The following PHACTR4 variants were observed in gnomAD, a reference collection of about 807,000 sequenced individuals.
The protein encoded by PHACTR4 is protein phosphatase 1, regulatory subunit 124.
In PHACTR4, 51 loss-of-function variants were observed where a neutral mutation model predicts 72.7. The ratio of observed to expected loss-of-function variants is 0.70; its 90% confidence interval spans 0.56 to 0.89. The LOEUF is 0.89. PHACTR4 is among the 40% of genes least tolerant of loss of function. The probability of loss-of-function intolerance (pLI) is 0.00; values close to 1 mark genes in which losing one functional copy is unlikely to be tolerated. For synonymous variants in PHACTR4, 255 were observed against 302.5 expected, an observed-to-expected ratio of 0.84 and a Z score of 1.63; for missense variants, 731 against 861.8, an observed-to-expected ratio of 0.85 and a Z score of 1.90.
At chr1:28,379,378 T>G (rs1189875002) in intron 1 of PHACTR4, among the ~76,000 whole-genome samples, 1 of 150,708 alleles carries the variant, frequency 6.6e-6, no homozygotes, top group Admixed American at 6.6e-5. Context: ...AGGTGGGTGA[T>G]CCTTCCACCT....
At position 28,496,954 on chromosome 1, in the gene PHACTR4, C is replaced by G. The variant is rs1661396203; in HGVS notation, c.*405C>G. 1 of 207,866 alleles carries G rather than the reference C, an allele frequency of 4.8e-6. No individual in the cohort carries two copies. The highest frequency in any genetic ancestry group is 9.7e-6 in the Non-Finnish European group (1 of 103,266). 12.9% of individuals were successfully genotyped at this position (207,866 alleles called of 1,614,324 possible). A position where few individuals can be genotyped will look rare whatever the true frequency, so the allele number is the denominator to read the frequency against. ...ATTGTGAGACCCAAATGTGTAGGCT[C>G]TAAATTCCAGCCATCAAATCCAATT... On this transcript the variant is annotated 3_prime_UTR_variant, in exon 14 of 14. Coordinates refer to ENST00000373839, the MANE Select transcript of PHACTR4 (RefSeq NM_001048183.3).
At chr1:28,394,264 A>AAAAG (rs1204119322) in intron 1 of PHACTR4, among the ~76,000 whole-genome samples, 65 of 151,596 alleles carry the variant, frequency 4.3e-4, no homozygotes, top group Admixed American at 4.1e-3. Context: ...AAAAAAAAAA[A>AAAAG]AAAGAAAGAG....
intron 1 of PHACTR4, among the ~76,000 whole-genome samples, chr1:28,392,406 C>CT (rs201902576): frequency 2.3e-3 from 322 of 141,872 alleles, no homozygotes; most frequent in Middle Eastern, 3.6e-3. Context: ...ATTCCTTTTT[C>CT]TTTTTTTTTT....
chr1:28,477,644 A>G (rs539159512), intron 8 of PHACTR4, among the ~76,000 whole-genome samples: 1 of 152,220 alleles, frequency 6.6e-6, no homozygotes, highest in East Asian at 1.9e-4. Context: ...GAAATATACA[A>G]TGAATTATTG....
rs1661557509 is a variant in PHACTR4 at position 28,499,655 on chromosome 1, T to C, written c.*3106T>C. The C allele has an allele frequency of 6.6e-6, 1 of 152,190 alleles. No homozygotes were observed. The highest frequency in any genetic ancestry group is 2.4e-5 in the African/African-American group (1 of 41,418). 9.4% of individuals were successfully genotyped at this position (152,190 alleles called of 1,614,324 possible). A position where few individuals can be genotyped will look rare whatever the true frequency, so the allele number is the denominator to read the frequency against. On this transcript the variant is annotated 3_prime_UTR_variant, in exon 14 of 14. Coordinates refer to ENST00000373839, the MANE Select transcript of PHACTR4 (RefSeq NM_001048183.3). ...CCAGGCCCAGCTAATTTTTGTGTTT[T>C]GTTAGAGATGAGGTTTTGCCATATT...
chr1:28,432,946 A>G (rs1043408739), intron 2 of PHACTR4: 2 of 238,488 alleles, frequency 8.4e-6, no homozygotes, highest in Non-Finnish European at 1.3e-5. Flanking sequence ...GGGTTTTACC[A>G]TGTTACCCAG....
intron 2 of PHACTR4, among the ~76,000 whole-genome samples, chr1:28,408,656 G>GTA (rs1405736728): frequency 1.1e-4 from 17 of 149,830 alleles, no homozygotes; most frequent in Admixed American, 4.0e-4. Context: ...GTGTGTGTGT[G>GTA]TATATATATA....
rs766388063 is a variant in PHACTR4, at chr1:28,480,443, G to T, written c.1607-8G>T. 2 of 1,613,212 alleles carry T rather than the reference G, an allele frequency of 1.2e-6. No homozygotes were observed. The highest frequency in any genetic ancestry group is 1.7e-5 in the Admixed American group (1 of 59,852). On this transcript the variant is annotated splice_region_variant and splice_polypyrimidine_tract_variant and intron_variant, in intron 8 of 13. Transcript: ENST00000373839. The stretch of plus-strand genomic sequence containing the variant: ...AGTTCTACATTTTTTTCTTCCCCGT[G>T]TGCAAAGGTGCTCTCGCCAACAAAG...
At chr1:28,404,191 C>T (rs1417356138) in intron 1 of PHACTR4, among the ~76,000 whole-genome samples, 12 of 151,614 alleles carry the variant, frequency 7.9e-5, no homozygotes, top group Non-Finnish European at 5.9e-5. Flanking sequence ...CTCAAGTGAT[C>T]TGCCTGCCTT....
At chr1:28,399,082 C>T (rs536723308) in intron 1 of PHACTR4, among the ~76,000 whole-genome samples, 7 of 152,040 alleles carry the variant, frequency 4.6e-5, no homozygotes, top group Non-Finnish European at 8.8e-5. Context: ...GAGGCCGAGG[C>T]GGGTGGATCA....
chr1:28,426,650 C>T (rs1266726118), intron 2 of PHACTR4, among the ~76,000 whole-genome samples: 2 of 150,250 alleles, frequency 1.3e-5, no homozygotes, highest in Non-Finnish European at 3.0e-5. Context: ...GGCGACAGAG[C>T]GAGACTCCGT....
At chr1:28,422,339 C>T (rs913363646) in intron 2 of PHACTR4, among the ~76,000 whole-genome samples, 1 of 152,096 alleles carries the variant, frequency 6.6e-6, no homozygotes, top group Admixed American at 6.6e-5. Context: ...AGTATAAAAA[C>T]TTTACATCAC....
intron 11 of PHACTR4, among the ~76,000 whole-genome samples, chr1:28,491,220 AAAG>A (rs1553206820): frequency 4.6e-5 from 7 of 150,756 alleles, no homozygotes; most frequent in East Asian, 1.9e-4. Context: ...AAAAAAAAAA[AAAG>A]AAGAAGAAAG....
intron 1 of PHACTR4, among the ~76,000 whole-genome samples, chr1:28,394,078 A>G (rs911017258): frequency 5.3e-5 from 8 of 152,106 alleles, no homozygotes; most frequent in Non-Finnish European, 1.5e-5. Flanking sequence ...ATTCTAGAAG[A>G]AGGCACTGTT....
At chr1:28,471,925 C>T (rs1258906473) in intron 6 of PHACTR4, among the ~76,000 whole-genome samples, 3 of 151,884 alleles carry the variant, frequency 2.0e-5, no homozygotes, top group Non-Finnish European at 4.4e-5. Flanking sequence ...AAATTAGAGA[C>T]AGTAGGCCGG....
rs185219284 is a variant in PHACTR4, at chr1:28,486,525, G to C, written c.1761-2645G>C. On this transcript the variant is annotated intron_variant, in intron 9 of 13. Transcript: ENST00000373839. The stretch of plus-strand genomic sequence containing the variant: ...GTGTCAGTTATATCGTATTAAAGCT[G>C]GTTTGTTTTTTGTTTTTTGTTTTTT... 3.2e-3 allele frequency among the ~76,000 whole-genome samples: 484 copies of C among 151,924 alleles called. 2 individuals carry two copies. Among genetic ancestry groups the C allele is most frequent in the African/African-American group, 0.011 (442 of 41,414 alleles).
rs1322677272 is a variant in PHACTR4 at position 28,498,112 on chromosome 1, A to G, written c.*1563A>G. On this transcript the variant is annotated 3_prime_UTR_variant, in exon 14 of 14. Transcript: ENST00000373839. The stretch of plus-strand genomic sequence containing the variant: ...TGATATTCTCTAAATCACTTCGACC[A>G]ATAAATGTATTCTCCTCCTTAAAGC... 6.6e-6 allele frequency: 1 copy of G among 152,172 alleles called. No homozygotes were observed. The highest frequency in any genetic ancestry group is 2.4e-5 in the African/African-American group (1 of 41,442). The allele number at this position is 152,172 out of a possible 1,614,324, so 9.4% of individuals were successfully genotyped here. A position where few individuals can be genotyped will look rare whatever the true frequency, so the allele number is the denominator to read the frequency against.
chr1:28,453,777 G>A (rs1658155579), intron 2 of PHACTR4: 8 of 958,034 alleles, frequency 8.4e-6, no homozygotes, highest in Non-Finnish European at 1.3e-5. Context: ...GGTTTCAGCA[G>A]TTATCCACAT....
intron 9 of PHACTR4, among the ~76,000 whole-genome samples, chr1:28,486,154 C>G (rs1172912648): frequency 3.3e-5 from 5 of 151,900 alleles, no homozygotes; most frequent in South Asian, 2.1e-4. Flanking sequence ...GTTGGGAGTT[C>G]GAGACCAGCC....
Sources: gnomAD v4.1 joint callset for allele counts (sites outside exome capture counted in the v4.1 genomes callset) on GRCh38, gnomAD v4.1.1 for gene constraint, MANE v1.5 for transcripts, NCBI Gene and HGNC (gene_info 2026-07-23, HGNC 2026-07-21) for gene names.